The following PIM1 variants were observed in gnomAD, a reference collection of about 807,000 sequenced individuals.
PIM1 encodes serine/threonine-protein kinase pim-1.
In PIM1, 9 loss-of-function variants were observed where a neutral mutation model predicts 34.5. That is an observed-to-expected ratio of 0.26 (90% CI 0.16 to 0.46). The LOEUF (loss-of-function observed/expected upper bound fraction) is 0.46. Ranked by LOEUF, PIM1 falls within the 20% of genes least tolerant of loss-of-function variation. The probability of loss-of-function intolerance (pLI) is 1.00; values close to 1 mark genes in which losing one functional copy is unlikely to be tolerated. For missense variants in PIM1, 274 were observed against 410.9 expected (o/e 0.67, Z 2.88); for synonymous variants, 199 against 175.2 (o/e 1.14, Z -1.07).
At position 37,173,971 on chromosome 6, in the gene PIM1, A is replaced by G. The variant is rs776538929; in HGVS notation, c.822A>G (p.Arg274=). The part of the protein sequence containing the change: ...QHLIRWCLAL[R]PSDRPTFEEI... The stretch of plus-strand genomic sequence containing the variant: ...TCATTAGATGGTGCTTGGCCCTGAG[A>G]CCATCAGATAGGCCAACCTTCGAAG... Residue 274 remains arginine (R), a synonymous_variant, in exon 6 of 6, where the codon AGA becomes AGG. Transcript: ENST00000373509. 21 of 1,613,962 alleles carry G rather than the reference A, an allele frequency of 1.3e-5. No homozygotes were observed. The South Asian group carries it at 2.1e-4, about 16-fold the overall frequency.
rs201907273 is a variant in PIM1 at position 37,171,930 on chromosome 6, CCTTT to C, written c.607+442_607+445del. On this transcript the variant is annotated intron_variant, in intron 4 of 5. Coordinates refer to ENST00000373509, the MANE Select transcript of PIM1 (RefSeq NM_002648.4). ...AGTTTTAGAGCTGCAGTTCTTAACT[CCTTT>C]CTGATCTAGGGAAGGTTAAGGAATA... Among the ~76,000 whole-genome samples, 1,476 of 150,596 alleles carry C rather than the reference CCTTT, an allele frequency of 9.8e-3. 11 individuals are homozygous for C. Among genetic ancestry groups the C allele is most frequent in the Middle Eastern group, 0.021 (6 of 282 alleles).
chr6:37,170,229 A>AGCGGCG lies in PIM1; in HGVS notation c.-339_-334dup. 1 of 1,253,322 alleles carries AGCGGCG rather than the reference A, an allele frequency of 8.0e-7. No individual in the cohort carries two copies. 77.6% of individuals were successfully genotyped at this position (1,253,322 alleles called of 1,614,324 possible). On this transcript the variant is annotated 5_prime_UTR_variant, in exon 1 of 6. Coordinates refer to ENST00000373509, the MANE Select transcript of PIM1 (RefSeq NM_002648.4). ...AGGAGGCCCGAGAGGAGTCGGTGGC[A>AGCGGCG]GCGGCGGCGGCGGGACCGGCAGCAG...
At position 37,171,427 on chromosome 6, in the gene PIM1, G is replaced by A. The variant is rs1762284217; in HGVS notation, c.543G>A (p.Glu181=). 3.7e-6 allele frequency: 6 copies of A among 1,613,946 alleles called. No individual in the cohort carries two copies. Among genetic ancestry groups the A allele is most frequent in the Non-Finnish European group, 5.1e-6 (6 of 1,180,032 alleles). ...ENILIDLNRG[E]LKLIDFGSGA... ...TCCTTATCGACCTCAATCGCGGCGA[G>A]CTCAAGCTCATCGACTTCGGGTCGG... Residue 181 remains glutamate, a synonymous_variant, in exon 4 of 6, where the codon GAG becomes GAA. Coordinates refer to ENST00000373509, the MANE Select transcript of PIM1 (RefSeq NM_002648.4).
Position 37,170,397 on chromosome 6 carries a change from C to T in PIM1, c.-179C>T, listed in dbSNP as rs917670883. On this transcript the variant is annotated 5_prime_UTR_variant, in exon 1 of 6. Coordinates refer to ENST00000373509, the MANE Select transcript of PIM1 (RefSeq NM_002648.4). ...TCCCGCCGCCAGTCCCGGCAGCGCC[C>T]TCAGTTGTCCTCCGACTCGCCCTCG... 2 of 1,530,840 alleles carry T rather than the reference C, an allele frequency of 1.3e-6. No homozygotes were observed. Among genetic ancestry groups the T allele is most frequent in the Admixed American group, 2.0e-5 (1 of 50,792 alleles). 94.8% of individuals were successfully genotyped at this position (1,530,840 alleles called of 1,614,324 possible). A position where few individuals can be genotyped will look rare whatever the true frequency, so the allele number is the denominator to read the frequency against.
rs1762268048 is a variant in PIM1, at chr6:37,170,888, G to A, written c.189+9G>A. On this transcript the variant is annotated intron_variant, in intron 2 of 5. Transcript: ENST00000373509. ...TCTCCGACAACTTGCCGGTGAGTGGGCGCCCCGCGGTGGGGAGGGCGCGCC... is the reference window on the plus strand; with the variant it reads ...TCTCCGACAACTTGCCGGTGAGTGGACGCCCCGCGGTGGGGAGGGCGCGCC... 6.2e-7 allele frequency: 1 copy of A among 1,612,152 alleles called. No individual in the cohort carries two copies. Among genetic ancestry groups the A allele is most frequent in the Admixed American group, 1.7e-5 (1 of 59,916 alleles).
At position 37,174,656 on chromosome 6, in the gene PIM1, C is replaced by T. The variant is rs577057775; in HGVS notation, c.*565C>T. On this transcript the variant is annotated 3_prime_UTR_variant, in exon 6 of 6. Coordinates refer to ENST00000373509, the MANE Select transcript of PIM1 (RefSeq NM_002648.4). ...TTTTTCTCTCCTGTCCTCCCTCACC[C>T]CCTCCTTCATATGAAAGGTGCCATG... 6.0e-5 allele frequency: 14 copies of T among 233,820 alleles called. No homozygotes were observed. The highest frequency in any genetic ancestry group is 6.8e-5 in the Non-Finnish European group (8 of 118,140). 14.5% of individuals were successfully genotyped at this position (233,820 alleles called of 1,614,324 possible).
Position 37,170,333 on chromosome 6 carries a change from C to T in PIM1, c.-243C>T, listed in dbSNP as rs1398282098. Reference sequence around the variant, plus strand: ...GCACGAGCCCCACGAGCCGCTCACCCCGCCGTTCTCAGCGCTGCCCGACCC... The same window carrying T: ...GCACGAGCCCCACGAGCCGCTCACCTCGCCGTTCTCAGCGCTGCCCGACCC... On this transcript the variant is annotated 5_prime_UTR_variant, in exon 1 of 6. Transcript: ENST00000373509. The T allele has an allele frequency of 2.7e-6, 4 of 1,495,750 alleles. No homozygotes were observed. Among genetic ancestry groups the T allele is most frequent in the African/African-American group, 1.5e-5 (1 of 68,758 alleles). The allele number at this position is 1,495,750 out of a possible 1,614,324, so 92.7% of individuals were successfully genotyped here.
intron 5 of PIM1, 79 bp from the exon 6 acceptor site, chr6:37,173,855 G>A (rs1762352438): frequency 7.1e-7 from 1 of 1,399,070 alleles, no homozygotes; most frequent in East Asian, 2.3e-5. Flanking sequence ...GTGGGCCTCT[G>A]AGAAGCAAAT....
In PIM1 at chr6:37,174,473, G is replaced by A. The variant is rs1451758819; in HGVS notation, c.*382G>A. ...GGGTCAGGTAGGGGGGAAACAGGTT[G>A]GGATGGGATAGGACTAGCACCATTT... On this transcript the variant is annotated 3_prime_UTR_variant, in exon 6 of 6. Coordinates refer to ENST00000373509, the MANE Select transcript of PIM1 (RefSeq NM_002648.4). 1 of 262,010 alleles carries A rather than the reference G, an allele frequency of 3.8e-6. No homozygotes were observed. The highest frequency in any genetic ancestry group is 7.4e-6 in the Non-Finnish European group (1 of 134,368). The allele number at this position is 262,010 out of a possible 1,614,324, so 16.2% of individuals were successfully genotyped here.
rs760689151 is a variant in PIM1 at position 37,173,930 on chromosome 6, G to A, written c.785-4G>A. 2.5e-6 allele frequency: 4 copies of A among 1,609,648 alleles called. No individual in the cohort carries two copies. The highest frequency in any genetic ancestry group is 2.7e-5 in the African/African-American group (2 of 74,772). Reference sequence around the variant, plus strand: ...CATAACCTCGTCTATCCTCCTTTCTGCAGAATGTCAGCATCTCATTAGATG... The same window carrying A: ...CATAACCTCGTCTATCCTCCTTTCTACAGAATGTCAGCATCTCATTAGATG... On this transcript the variant is annotated splice_polypyrimidine_tract_variant and splice_region_variant and intron_variant, in intron 5 of 5. Transcript: ENST00000373509.
In PIM1 at chr6:37,174,250, G is replaced by C; in HGVS notation, c.*159G>C. On this transcript the variant is annotated 3_prime_UTR_variant, in exon 6 of 6. Coordinates refer to ENST00000373509, the MANE Select transcript of PIM1 (RefSeq NM_002648.4). ...ACTCATTCCAGATCCCAGGCCCCTGGAGGCTGCCTCCCAACAGTGGGGAAG... is the reference window on the plus strand; with the variant it reads ...ACTCATTCCAGATCCCAGGCCCCTGCAGGCTGCCTCCCAACAGTGGGGAAG... 2.8e-6 allele frequency: 2 copies of C among 702,602 alleles called. No homozygotes were observed. Among genetic ancestry groups the C allele is most frequent in the Non-Finnish European group, 4.6e-6 (2 of 437,258 alleles). 43.5% of individuals were successfully genotyped at this position (702,602 alleles called of 1,614,324 possible).
At position 37,174,375 on chromosome 6, in the gene PIM1, GGGGGGT is replaced by G. The variant is rs1202511701; in HGVS notation, c.*294_*299del. The G allele has an allele frequency of 7.8e-6, 1 of 128,030 alleles. No homozygotes were observed. The highest frequency in any genetic ancestry group is 1.6e-5 in the Non-Finnish European group (1 of 62,908). 7.9% of individuals were successfully genotyped at this position (128,030 alleles called of 1,614,324 possible). On this transcript the variant is annotated 3_prime_UTR_variant, in exon 6 of 6. Transcript: ENST00000373509. ...CTGGACTCTGAAATATCCCGGGGGT[GGGGGGT>G]GGGGGTGGGTCAGAACCCTGCCATG...
At chr6:37,171,914 G>C (rs950119993) in intron 4 of PIM1, among the ~76,000 whole-genome samples, 1 of 151,908 alleles carries the variant, frequency 6.6e-6, no homozygotes, top group Admixed American at 6.6e-5. Context: ...TAGTTTTAGA[G>C]CTGCAGTTCT....
Position 37,170,494 on chromosome 6 carries a change from T to TA in PIM1, c.-81dup. The stretch of plus-strand genomic sequence containing the variant: ...ACAGCCACAGCCACAGCCCCAGGCA[T>TA]AGCCTTCGGCACAGCCCCGGCTCCG... On this transcript the variant is annotated 5_prime_UTR_variant, in exon 1 of 6. Transcript: ENST00000373509. The TA allele has an allele frequency of 6.3e-7, 1 of 1,592,944 alleles. No individual in the cohort carries two copies. The highest frequency in any genetic ancestry group is 8.5e-7 in the Non-Finnish European group (1 of 1,173,386).
At chr6:37,173,713 A>C (rs1762348747) in intron 5 of PIM1, among the ~76,000 whole-genome samples, 1 of 152,174 alleles carries the variant, frequency 6.6e-6, no homozygotes, top group African/African-American at 2.4e-5. Context: ...TGAAAACCAC[A>C]GGTTTAAGAG....
At chr6:37,173,385 T>A (rs543396664) in intron 5 of PIM1, among the ~76,000 whole-genome samples, 3 of 152,194 alleles carry the variant, frequency 2.0e-5, no homozygotes, top group African/African-American at 7.2e-5. Context: ...GAGGAAGGCA[T>A]GTGTGAGCAT....
rs199791472 is a variant in PIM1, at chr6:37,173,005, T to A, written c.617T>A (p.Val206Glu). The change falls in exon 5 of 6, where the codon GTG (valine) becomes GAG (glutamate). Residue 206 changes from valine to glutamate, a missense_variant. This residue lies in a region of PIM1 where 168 missense variants were observed against 299.4 expected (regional missense o/e 0.56). Transcript: ENST00000373509. Reference sequence around the variant, plus strand: ...TTCCCTTGGCTCACAGGGACCCGAGTGTATAGCCCTCCAGAGTGGATCCGC... The same window carrying A: ...TTCCCTTGGCTCACAGGGACCCGAGAGTATAGCCCTCCAGAGTGGATCCGC... ...TVYTDFDGTR[V>E]YSPPEWIRYH... 3 of 1,613,998 alleles carry A rather than the reference T, an allele frequency of 1.9e-6. No individual in the cohort carries two copies.
chr6:37,174,224 A>G lies in PIM1; in HGVS notation c.*133A>G. ...TGCTTGATACAGGAACAACATTTAC[A>G]ACTCATTCCAGATCCCAGGCCCCTG... On this transcript the variant is annotated 3_prime_UTR_variant, in exon 6 of 6. Transcript: ENST00000373509. The G allele has an allele frequency of 1.1e-6, 1 of 879,828 alleles. No individual in the cohort carries two copies. The highest frequency in any genetic ancestry group is 1.7e-6 in the Non-Finnish European group (1 of 588,420). 54.5% of individuals were successfully genotyped at this position (879,828 alleles called of 1,614,324 possible).
Position 37,170,253 on chromosome 6 carries a change from A to ACCG in PIM1, c.-323_-322insCCG. The ACCG allele has an allele frequency of 1.4e-6, 1 of 732,310 alleles. No individual in the cohort carries two copies. The highest frequency in any genetic ancestry group is 1.8e-6 in the Non-Finnish European group (1 of 554,820). 45.4% of individuals were successfully genotyped at this position (732,310 alleles called of 1,614,324 possible). A position where few individuals can be genotyped will look rare whatever the true frequency, so the allele number is the denominator to read the frequency against. On this transcript the variant is annotated 5_prime_UTR_variant, in exon 1 of 6. Transcript: ENST00000373509. ...CAGCGGCGGCGGCGGGACCGGCAGC[A>ACCG]GCAGCAGCAGCAGCAGCAGCAGCAA...
Sources: gnomAD v4.1 joint callset for allele counts (sites outside exome capture counted in the v4.1 genomes callset) on GRCh38, gnomAD v4.1.1 for gene constraint, gnomAD v4.1.1 regional missense constraint, MANE v1.5 for transcripts, NCBI Gene and HGNC (gene_info 2026-07-23, HGNC 2026-07-21) for gene names.